PTPN14: variants seen among roughly 807,000 people sequenced by gnomAD.
PTPN14 encodes the protein protein tyrosine phosphatase non-receptor type 14.
In PTPN14, 53 loss-of-function variants were observed where a neutral mutation model predicts 126.8. That is an observed-to-expected ratio of 0.42 (90% CI 0.34 to 0.53). The LOEUF (loss-of-function observed/expected upper bound fraction) is 0.53, where lower values mean the gene tolerates loss of function less well. Among genes scored for constraint, PTPN14 ranks in the 20% least tolerant of loss-of-function variants. PTPN14 has a pLI of 0.08. For synonymous variants in PTPN14, 630 were observed against 599.3 expected (o/e 1.05, Z -0.75); for missense variants, 1,257 against 1,552.9 (o/e 0.81, Z 3.20).
chr1:214,478,170 T>G (rs751560701), intron 1 of PTPN14, among the ~76,000 whole-genome samples: 6 of 152,200 alleles, frequency 3.9e-5, no homozygotes, highest in Non-Finnish European at 7.3e-5. Context: ...AAATTCTGTA[T>G]AAGGATGCTG....
chr1:214,474,283 G>A (rs1470183519), intron 1 of PTPN14, among the ~76,000 whole-genome samples: 1 of 152,182 alleles, frequency 6.6e-6, no homozygotes, highest in Non-Finnish European at 1.5e-5. Flanking sequence ...TTGAGCAGTT[G>A]AGTATCACCA....
intron 1 of PTPN14, among the ~76,000 whole-genome samples, chr1:214,492,656 C>T (rs1231501274): frequency 1.3e-5 from 2 of 152,114 alleles, no homozygotes; most frequent in African/African-American, 4.8e-5. Flanking sequence ...ACCTGTAATC[C>T]AAGCCCTTTG....
chr1:214,453,828 G>T (rs918812597), intron 2 of PTPN14, among the ~76,000 whole-genome samples: 1 of 152,212 alleles, frequency 6.6e-6, no homozygotes, highest in Admixed American at 6.5e-5. Flanking sequence ...ATATTTAAAA[G>T]ATGTAAGGAA....
chr1:214,505,417 T>C (rs1328506052), intron 1 of PTPN14, among the ~76,000 whole-genome samples: 1 of 152,114 alleles, frequency 6.6e-6, no homozygotes, highest in East Asian at 1.9e-4. Context: ...CTGAAAAACA[T>C]TCACCATGGC....
At chr1:214,516,406 A>C (rs1655104516) in intron 1 of PTPN14, among the ~76,000 whole-genome samples, 1 of 152,228 alleles carries the variant, frequency 6.6e-6, no homozygotes. Context: ...AGTGAGAGAC[A>C]TTGCTGTTCC....
intron 10 of PTPN14, among the ~76,000 whole-genome samples, chr1:214,392,318 G>C (rs1440214888): frequency 6.6e-6 from 1 of 152,104 alleles, no homozygotes; most frequent in Non-Finnish European, 1.5e-5. Flanking sequence ...TACAGAAGCA[G>C]AATTGAGAAA....
chr1:214,419,174 C>G (rs749249986), intron 3 of PTPN14, among the ~76,000 whole-genome samples: 1 of 152,316 alleles, frequency 6.6e-6, no homozygotes, highest in Admixed American at 6.5e-5. Flanking sequence ...CCCCTACTCT[C>G]AAGGAGGTCT....
intron 7 of PTPN14, 89 bp from the exon 8 acceptor site, chr1:214,398,090 G>T (rs539324406): frequency 8.7e-6 from 9 of 1,037,984 alleles, no homozygotes; most frequent in South Asian, 8.3e-5. Flanking sequence ...CGACCTGAGT[G>T]TCCATCCACA....
intron 5 of PTPN14, among the ~76,000 whole-genome samples, chr1:214,410,754 T>C (rs1273648084): frequency 6.6e-6 from 1 of 152,226 alleles, no homozygotes; most frequent in Non-Finnish European, 1.5e-5. Context: ...GAAAAATCTA[T>C]TGGTTTTAGA....
intron 2 of PTPN14, among the ~76,000 whole-genome samples, chr1:214,460,835 A>G (rs1054030619): frequency 6.6e-6 from 1 of 152,190 alleles, no homozygotes; most frequent in Admixed American, 6.5e-5. Context: ...CTGTTTGCTG[A>G]CAATAGGAAC....
intron 3 of PTPN14, among the ~76,000 whole-genome samples, chr1:214,433,244 A>G (rs1196712164): frequency 6.6e-6 from 1 of 151,906 alleles, no homozygotes; most frequent in Non-Finnish European, 1.5e-5. Flanking sequence ...TTTCACCAAA[A>G]AGCCTATCTT....
chr1:214,534,669 C>A (rs367923627), intron 1 of PTPN14, among the ~76,000 whole-genome samples: 1 of 150,316 alleles, frequency 6.7e-6, no homozygotes, highest in African/African-American at 2.5e-5. Flanking sequence ...GCCAAGACCG[C>A]GCCACTGCAC....
At chr1:214,464,206 T>C (rs7530462) in intron 2 of PTPN14, among the ~76,000 whole-genome samples, 45,714 of 119,566 alleles carry the variant, frequency 0.38, 8,210 homozygotes, top group South Asian at 0.46. Flanking sequence ...GAGGAAAATA[T>C]AGAAACAACC....
rs928603704 is a variant in PTPN14, at chr1:214,357,408, C to T, written c.*514G>A. ...CATGAGCCCCAAAATATAAGAGAATCGTGTTTGTTCCTTCAGACCCTTTTC... is the reference window on the plus strand; with the variant it reads ...CATGAGCCCCAAAATATAAGAGAATTGTGTTTGTTCCTTCAGACCCTTTTC... On this transcript the variant is annotated 3_prime_UTR_variant, in exon 19 of 19. Coordinates refer to ENST00000366956, the MANE Select transcript of PTPN14 (RefSeq NM_005401.5). 3 of 152,132 alleles carry T rather than the reference C, an allele frequency of 2.0e-5. No individual in the cohort carries two copies. Among genetic ancestry groups the T allele is most frequent in the South Asian group, 2.1e-4 (1 of 4,824 alleles). The allele number at this position is 152,132 out of a possible 1,614,324, so 9.4% of individuals were successfully genotyped here.
At chr1:214,499,946 G>A (rs1654640486) in intron 1 of PTPN14, among the ~76,000 whole-genome samples, 1 of 151,864 alleles carries the variant, frequency 6.6e-6, no homozygotes, top group South Asian at 2.1e-4. Flanking sequence ...CAGGCTTGAG[G>A]AGGGGAAAGG....
chr1:214,401,105 A>AC lies in PTPN14; in HGVS notation c.669+579dup, dbSNP rs767356833. Among the ~76,000 whole-genome samples the AC allele has an allele frequency of 3.5e-4, 53 of 151,698 alleles. No individual in the cohort carries two copies. In the East Asian group the frequency reaches 6.2e-3, roughly 18 times the overall value. On this transcript the variant is annotated intron_variant, in intron 7 of 18. Transcript: ENST00000366956. ...GCTCTATAAATGACTATGATCCATG[A>AC]CCCCCCCAACCACACCCACTTCAGG...
chr1:214,402,823 T>C, intron 6 of PTPN14, 60 bp downstream of exon 6: 2 of 1,567,370 alleles, frequency 1.3e-6, no homozygotes, highest in Non-Finnish European at 8.8e-7. Flanking sequence ...GGATGCCTCC[T>C]GCCCCATGGG....
intron 3 of PTPN14, among the ~76,000 whole-genome samples, chr1:214,429,912 T>C (rs1052301261): frequency 5.3e-5 from 8 of 152,216 alleles, no homozygotes; most frequent in Non-Finnish European, 2.9e-5. Context: ...AATTCTAGAT[T>C]AAGAAAATAT....
intron 2 of PTPN14, among the ~76,000 whole-genome samples, chr1:214,463,213 A>C (rs1378886903): frequency 6.6e-6 from 1 of 152,246 alleles, no homozygotes; most frequent in Non-Finnish European, 1.5e-5. Flanking sequence ...AGTTTTCTAT[A>C]AGAACTTAGA....
Sources: gnomAD v4.1 joint callset for allele counts (sites outside exome capture counted in the v4.1 genomes callset) on GRCh38, gnomAD v4.1.1 for gene constraint, MANE v1.5 for transcripts, NCBI Gene and HGNC (gene_info 2026-07-23, HGNC 2026-07-21) for gene names.